Variants in PRAMEF14 observed in about 807,000 individuals in gnomAD.
PRAMEF14 encodes PRAME family member 14.
PRAMEF14 carries 24 observed loss-of-function variants against 38.3 expected under a neutral mutation model. That is an observed-to-expected ratio of 0.63 (90% CI 0.45 to 0.88). The LOEUF is 0.88. Among genes scored for constraint, PRAMEF14 ranks in the 40% least tolerant of loss-of-function variants. The pLI, the probability that PRAMEF14 is intolerant of heterozygous loss-of-function variation, is 0.00. For synonymous variants in PRAMEF14, 194 were observed against 226.4 expected (o/e 0.86, Z 1.29); for missense variants, 477 against 570.8 (o/e 0.84, Z 1.67).
chr1:13,345,346 G>A lies in PRAMEF14; in HGVS notation c.-25-7C>T. The A allele has an allele frequency of 1.2e-6, 2 of 1,602,558 alleles. No homozygotes were observed. The highest frequency in any genetic ancestry group is 1.7e-6 in the Non-Finnish European group (2 of 1,176,260). On this transcript the variant is annotated splice_region_variant and splice_polypyrimidine_tract_variant and intron_variant, in intron 1 of 3. Coordinates refer to ENST00000334600, the MANE Select transcript of PRAMEF14 (RefSeq NM_001024661.2). ...AGATCTGCAAGAAAAATCTCTAGAA[G>A]ACAAATCCAGGGAAAATGTATCACT...
rs1480096958 is a variant in PRAMEF14 at position 13,343,816 on chromosome 1, T to C, written c.866+222A>G. The C allele has an allele frequency of 2.7e-6, 4 of 1,478,280 alleles. No individual in the cohort carries two copies. In the Admixed American group the frequency reaches 6.5e-5, roughly 24 times the overall value. The allele number at this position is 1,478,280 out of a possible 1,614,324, so 91.6% of individuals were successfully genotyped here. A position where few individuals can be genotyped will look rare whatever the true frequency, so the allele number is the denominator to read the frequency against. On this transcript the variant is annotated intron_variant, in intron 3 of 3. Coordinates refer to ENST00000334600, the MANE Select transcript of PRAMEF14 (RefSeq NM_001024661.2). Reference sequence around the variant, plus strand: ...AACTAGCTTGTACATGATGTCTCTCTCTAGCTTCTACCCCAGGTGACCCCT... The same window carrying C: ...AACTAGCTTGTACATGATGTCTCTCCCTAGCTTCTACCCCAGGTGACCCCT...
rs1228409760 is a variant in PRAMEF14, at chr1:13,346,486, A to C, written c.-26+571T>G. On this transcript the variant is annotated intron_variant, in intron 1 of 3. Transcript: ENST00000334600. ...CACACCATGGCACTGCAGCCTGGGC[A>C]ACAATAGGGAAACTCCATCTCAAAA... Among the ~76,000 whole-genome samples the C allele has an allele frequency of 1.2e-3, 180 of 150,458 alleles. 5 individuals are homozygous for C. In the Middle Eastern group the frequency reaches 0.021, roughly 17 times the overall value.
chr1:13,342,802 A>C lies in PRAMEF14; in HGVS notation c.1151T>G (p.Phe384Cys). Residue 384 changes from phenylalanine to cysteine, a missense_variant, in exon 4 of 4, where the codon TTT becomes TGT. Around this residue, in one of 4 missense-constraint regions of PRAMEF14, gnomAD observed 151 missense variants for 137.4 expected, o/e 1.10. Transcript: ENST00000334600. The stretch of plus-strand genomic sequence containing the variant: ...ACCCATAGACATACAATTTCTGCCA[A>C]AGTAGAAGGTGGTGAGCTGGGAGCA... ...SHCSQLTTFY[F>C]GRNCMSMGAL... The C allele has an allele frequency of 1.2e-6, 2 of 1,606,934 alleles. No individual in the cohort carries two copies. Among genetic ancestry groups the C allele is most frequent in the Non-Finnish European group, 1.7e-6 (2 of 1,178,716 alleles).
In PRAMEF14 at chr1:13,343,368, T is replaced by A. The variant is rs1640357382; in HGVS notation, c.867-282A>T. Among the ~76,000 whole-genome samples the A allele has an allele frequency of 2.0e-5, 3 of 149,198 alleles. No homozygotes were observed. The East Asian group carries it at 6.6e-4, about 33-fold the overall frequency. ...ATCTTTTAGCAGAAAACTTTATCTCTGGGCTACAGGTACCCGGTGGGAGAT... is the reference window on the plus strand; with the variant it reads ...ATCTTTTAGCAGAAAACTTTATCTCAGGGCTACAGGTACCCGGTGGGAGAT... On this transcript the variant is annotated intron_variant, in intron 3 of 3. Transcript: ENST00000334600.
Position 13,343,280 on chromosome 1 carries a change from A to C in PRAMEF14, c.867-194T>G, listed in dbSNP as rs71183794. Among the ~76,000 whole-genome samples, 941 of 143,810 alleles carry C rather than the reference A, an allele frequency of 6.5e-3. 40 individuals carry two copies. Among genetic ancestry groups the C allele is most frequent in the Middle Eastern group, 0.011 (3 of 270 alleles). 94.3% of individuals were successfully genotyped at this position (143,810 alleles called of 152,430 possible). A position where few individuals can be genotyped will look rare whatever the true frequency, so the allele number is the denominator to read the frequency against. ...TCCCATTTTAGCCTCAGCCCTTTCA[A>C]CATTGCTTGTGTGATTGGTTCAAGG... On this transcript the variant is annotated intron_variant, in intron 3 of 3. Transcript: ENST00000334600.
At chr1:13,343,666 G>C (rs1437780288) in intron 3 of PRAMEF14, 1 of 1,340,022 alleles carries the variant, frequency 7.5e-7, no homozygotes, top group Non-Finnish European at 9.9e-7. Flanking sequence ...GAAATGGACA[G>C]GTTTGATGCG....
Position 13,344,622 on chromosome 1 carries a change from G to C in PRAMEF14, c.288-6C>G. ...GCACTTGAAGTTTCCACCTCCTGTG[G>C]GTAAAGTAAGGGAGAGACTCAGAAT... On this transcript the variant is annotated splice_polypyrimidine_tract_variant and splice_region_variant and intron_variant, in intron 2 of 3. Coordinates refer to ENST00000334600, the MANE Select transcript of PRAMEF14 (RefSeq NM_001024661.2). 1 of 1,604,112 alleles carries C rather than the reference G, an allele frequency of 6.2e-7. No individual in the cohort carries two copies. Among genetic ancestry groups the C allele is most frequent in the South Asian group, 1.1e-5 (1 of 90,432 alleles).
chr1:13,346,155 C>T (rs1301786494), intron 1 of PRAMEF14, among the ~76,000 whole-genome samples: 1 of 150,270 alleles, frequency 6.7e-6, no homozygotes, highest in Non-Finnish European at 1.5e-5. Context: ...CAAAATAATT[C>T]ACTGGAACTG....
rs914331473 is a variant in PRAMEF14 at position 13,342,958 on chromosome 1, A to G, written c.995T>C (p.Leu332Pro). ...GAGGGGTTCAAGACTGATGCGGAAC[A>G]GCAGCACGTAGCTGAGATTCAGATG... ...LKHLNLSYVLLFRISLEPLGA... is the reference protein window; with the variant it reads ...LKHLNLSYVLPFRISLEPLGA... Residue 332 changes from leucine to proline, a missense_variant, in exon 4 of 4, where the codon CTG (leucine) becomes CCG (proline). This residue lies in a region of PRAMEF14 where 34 missense variants were observed against 66.1 expected (regional missense o/e 0.51). Coordinates refer to ENST00000334600, the MANE Select transcript of PRAMEF14 (RefSeq NM_001024661.2). 1.2e-6 allele frequency: 2 copies of G among 1,608,530 alleles called. No individual in the cohort carries two copies. Among genetic ancestry groups the G allele is most frequent in the African/African-American group, 2.7e-5 (2 of 74,732 alleles).
chr1:13,344,892 C>T, intron 2 of PRAMEF14, 136 bp downstream of exon 2: 1 of 1,543,592 alleles, frequency 6.5e-7, no homozygotes, highest in Non-Finnish European at 8.8e-7. Context: ...TGGACAATGG[C>T]CAAAGTCTCC....
intron 3 of PRAMEF14, 71 bp from the exon 4 acceptor site, chr1:13,343,157 A>G: frequency 8.3e-7 from 1 of 1,210,816 alleles, no homozygotes; most frequent in Non-Finnish European, 1.2e-6. Context: ...CATCTAGGAA[A>G]ATGCCTGCGT....
chr1:13,345,401 C>G, intron 1 of PRAMEF14, 62 bp from the exon 2 acceptor site: 1 of 1,450,580 alleles, frequency 6.9e-7, no homozygotes, highest in Non-Finnish European at 9.3e-7. Context: ...TCTGCTTCTA[C>G]TGGTACCAGG....
At chr1:13,345,403 G>T in intron 1 of PRAMEF14, 64 bp from the exon 2 acceptor site, 1 of 1,440,570 alleles carries the variant, frequency 6.9e-7, no homozygotes, top group Non-Finnish European at 9.4e-7. Flanking sequence ...TGCTTCTACT[G>T]GTACCAGGAA....
intron 2 of PRAMEF14, 52 bp from the exon 3 acceptor site, chr1:13,344,668 C>G: frequency 2.5e-6 from 4 of 1,601,788 alleles, no homozygotes; most frequent in Non-Finnish European, 3.4e-6. Flanking sequence ...TCATCCCTGA[C>G]CTTTGCTTTC....
intron 1 of PRAMEF14, among the ~76,000 whole-genome samples, chr1:13,346,172 T>G (rs1281376162): frequency 3.7e-4 from 54 of 147,372 alleles, no homozygotes; most frequent in South Asian, 1.1e-3. Flanking sequence ...ACTGTAAAAG[T>G]GGTGTGATGG....
In PRAMEF14 at chr1:13,344,460, C is replaced by T; in HGVS notation, c.444G>A (p.Lys148=). Reference sequence around the variant, plus strand: ...CCTTGAGGCAGATGTCTATGAACACCTTTAAGGGCTGGTGCTCTCCCATCC... The same window carrying T: ...CCTTGAGGCAGATGTCTATGAACACTTTTAAGGGCTGGTGCTCTCCCATCC... ...CPRMGEHQPL[K]VFIDICLKEI... is the part of the protein sequence containing the mutation. Residue 148 remains lysine (K), a synonymous_variant, in exon 3 of 4, where the codon AAG becomes AAA. Transcript: ENST00000334600. 1 of 1,607,060 alleles carries T rather than the reference C, an allele frequency of 6.2e-7. No homozygotes were observed. The highest frequency in any genetic ancestry group is 8.5e-7 in the Non-Finnish European group (1 of 1,178,834).
Position 13,344,598 on chromosome 1 carries a change from C to T in PRAMEF14, c.306G>A (p.Val102=). ...KDRPRRWKLQ[V]LDLRDVDENF... ...TCTCATCAACATCCCGCAAATCCAG[C>T]ACTTGAAGTTTCCACCTCCTGTGGG... Residue 102 remains valine (V), a synonymous_variant, in exon 3 of 4, where the codon GTG becomes GTA. Transcript: ENST00000334600. The T allele has an allele frequency of 1.9e-6, 3 of 1,604,278 alleles. No individual in the cohort carries two copies. In the Admixed American group the frequency reaches 5.0e-5, roughly 27 times the overall value.
Position 13,343,073 on chromosome 1 carries a change from G to T in PRAMEF14, c.880C>A (p.Pro294Thr), listed in dbSNP as rs1640352820. 1 of 1,611,652 alleles carries T rather than the reference G, an allele frequency of 6.2e-7. No individual in the cohort carries two copies. Among genetic ancestry groups the T allele is most frequent in the South Asian group, 1.1e-5 (1 of 90,896 alleles). ...LEQLIRCLQN[P>T]LENLELTYGY... The stretch of plus-strand genomic sequence containing the variant: ...TAAGTTAATTCCAAGTTCTCCAAGG[G>T]GTTCTGGAGGCACCTGTGGAGATCA... The change falls in exon 4 of 4, where the codon CCC becomes ACC. Residue 294 changes from proline (P) to threonine (T), a missense_variant. Transcript: ENST00000334600.
intron 3 of PRAMEF14, chr1:13,343,524 C>A: frequency 7.8e-7 from 1 of 1,290,304 alleles, no homozygotes; most frequent in Non-Finnish European, 1.0e-6. Flanking sequence ...TACTCCCTCA[C>A]CTCCATCCCA....
Sources: allele counts gnomAD v4.1 joint callset (sites outside exome capture counted in the v4.1 genomes callset), GRCh38; gene constraint gnomAD v4.1.1; regional missense constraint gnomAD v4.1.1; transcripts MANE v1.5; gene names NCBI Gene and HGNC (gene_info 2026-07-23, HGNC 2026-07-21).